The following C1orf21 variants were observed in gnomAD, a reference collection of about 807,000 sequenced individuals.
The protein encoded by C1orf21 is uncharacterized protein C1orf21.
In C1orf21, 3 loss-of-function variants were observed where a neutral mutation model predicts 18.7. The ratio of observed to expected loss-of-function variants is 0.16; its 90% CI spans 0.07 to 0.42. The LOEUF is 0.42. Ranked by LOEUF, C1orf21 falls within the 10% of genes least tolerant of loss-of-function variation. C1orf21 has a pLI of 0.99. For missense variants in C1orf21, 104 were observed against 143.6 expected, an observed-to-expected ratio of 0.72 and a Z score of 1.41; for synonymous variants, 41 against 46.4, an observed-to-expected ratio of 0.88 and a Z score of 0.47.
At chr1:184,546,896 A>G (rs1252888086) in intron 3 of C1orf21, among the ~76,000 whole-genome samples, 2 of 152,170 alleles carry the variant, frequency 1.3e-5, no homozygotes, top group Non-Finnish European at 2.9e-5. Context: ...CGCCATCCCC[A>G]TACTTGACTC....
intron 3 of C1orf21, among the ~76,000 whole-genome samples, chr1:184,524,199 C>T (rs1411095034): frequency 6.6e-6 from 1 of 152,076 alleles, no homozygotes; most frequent in Non-Finnish European, 1.5e-5. Context: ...CAGGACCTGA[C>T]AAAGAGCAGG....
chr1:184,535,612 A>G (rs769744703), intron 3 of C1orf21, among the ~76,000 whole-genome samples: 6 of 152,322 alleles, frequency 3.9e-5, no homozygotes, highest in African/African-American at 9.6e-5. Context: ...CTTCATTTCT[A>G]TGAAAAAGTT....
In C1orf21 at chr1:184,620,442, A is replaced by G. The variant is rs1232621738; in HGVS notation, c.*886A>G. On this transcript the variant is annotated 3_prime_UTR_variant, in exon 6 of 6. Transcript: ENST00000235307. ...AGCCTATAGGGCTCCCTACCCTTCC[A>G]TTAAGAATCTACCAAGCATTAGCAA... 6.6e-6 allele frequency: 1 copy of G among 152,520 alleles called. No individual in the cohort carries two copies. Among genetic ancestry groups the G allele is most frequent in the South Asian group, 2.1e-4 (1 of 4,824 alleles). The allele number at this position is 152,520 out of a possible 1,614,324, so 9.4% of individuals were successfully genotyped here. A position where few individuals can be genotyped will look rare whatever the true frequency, so the allele number is the denominator to read the frequency against.
intron 2 of C1orf21, among the ~76,000 whole-genome samples, chr1:184,501,710 G>A (rs748969441): frequency 6.6e-6 from 1 of 152,192 alleles, no homozygotes; most frequent in African/African-American, 2.4e-5. Context: ...AGGATAGCAG[G>A]GGATAGTGCC....
chr1:184,477,432 G>A lies in C1orf21; in HGVS notation c.-78G>A. 1 of 1,237,140 alleles carries A rather than the reference G, an allele frequency of 8.1e-7. No homozygotes were observed. Among genetic ancestry groups the A allele is most frequent in the Admixed American group, 2.2e-5 (1 of 44,508 alleles). 76.6% of individuals were successfully genotyped at this position (1,237,140 alleles called of 1,614,324 possible). A position where few individuals can be genotyped will look rare whatever the true frequency, so the allele number is the denominator to read the frequency against. On this transcript the variant is annotated 5_prime_UTR_variant, in exon 2 of 6. Transcript: ENST00000235307. ...CAGCAGCAAGGTGGATTTTCTTTGT[G>A]TTTAAAGAAAAAAAATGTCCCTGTG...
chr1:184,402,663 G>GC (rs974057920), intron 1 of C1orf21, among the ~76,000 whole-genome samples: 5 of 150,056 alleles, frequency 3.3e-5, no homozygotes, highest in African/African-American at 4.9e-5. Flanking sequence ...TTTGAGATGT[G>GC]CCCCCCTTAT....
intron 1 of C1orf21, among the ~76,000 whole-genome samples, chr1:184,410,139 A>C (rs550126318): frequency 1.3e-5 from 2 of 152,232 alleles, no homozygotes; most frequent in African/African-American, 4.8e-5. Context: ...AAAAAGAACT[A>C]TATTAGATAA....
At chr1:184,605,791 C>T (rs1425868342) in intron 5 of C1orf21, among the ~76,000 whole-genome samples, 1 of 152,194 alleles carries the variant, frequency 6.6e-6, no homozygotes, top group Non-Finnish European at 1.5e-5. Flanking sequence ...AGAAAATACA[C>T]AGAGTCTCCA....
Position 184,598,388 on chromosome 1 carries a change from C to G in C1orf21, c.267-13C>G, listed in dbSNP as rs752995943. Reference sequence around the variant, plus strand: ...GCACTAAAATATGCACTTAACTACCCTTTGTTTTTCAGCATGCACATCTCT... The same window carrying G: ...GCACTAAAATATGCACTTAACTACCGTTTGTTTTTCAGCATGCACATCTCT... On this transcript the variant is annotated splice_polypyrimidine_tract_variant and intron_variant, in intron 4 of 5. Coordinates refer to ENST00000235307, the MANE Select transcript of C1orf21 (RefSeq NM_030806.4). The G allele has an allele frequency of 9.3e-6, 15 of 1,612,466 alleles. No homozygotes were observed. Among genetic ancestry groups the G allele is most frequent in the Admixed American group, 1.7e-5 (1 of 59,726 alleles).
At chr1:184,522,396 A>G (rs1160701223) in intron 3 of C1orf21, among the ~76,000 whole-genome samples, 2 of 152,088 alleles carry the variant, frequency 1.3e-5, no homozygotes, top group South Asian at 2.1e-4. Flanking sequence ...CCACATCCAG[A>G]TCTTGTTTCT....
At chr1:184,395,024 T>C (rs1017863851) in intron 1 of C1orf21, among the ~76,000 whole-genome samples, 4 of 152,122 alleles carry the variant, frequency 2.6e-5, no homozygotes, top group African/African-American at 9.7e-5. Context: ...TCCCCTCTAC[T>C]GTGTCTCTTG....
In C1orf21 at chr1:184,624,016, A is replaced by C. The variant is rs1659966413; in HGVS notation, c.*4460A>C. The C allele has an allele frequency of 6.5e-6, 1 of 152,688 alleles. No individual in the cohort carries two copies. The highest frequency in any genetic ancestry group is 2.4e-5 in the African/African-American group (1 of 41,474). 9.5% of individuals were successfully genotyped at this position (152,688 alleles called of 1,614,324 possible). A position where few individuals can be genotyped will look rare whatever the true frequency, so the allele number is the denominator to read the frequency against. ...TTTATAATTGTTTTGTGTCATCCTC[A>C]TGATAATCCTGTGAAGTAGATCTAT... is the stretch of plus-strand genomic sequence containing the variant. On this transcript the variant is annotated 3_prime_UTR_variant, in exon 6 of 6. Transcript: ENST00000235307.
At chr1:184,576,915 G>A (rs771947579) in intron 3 of C1orf21, among the ~76,000 whole-genome samples, 16 of 152,142 alleles carry the variant, frequency 1.1e-4, no homozygotes, top group East Asian at 7.7e-4. Context: ...ATCCCCTGCC[G>A]GCCTGCACTC....
At chr1:184,461,610 T>C (rs1657308198) in intron 1 of C1orf21, among the ~76,000 whole-genome samples, 1 of 152,186 alleles carries the variant, frequency 6.6e-6, no homozygotes, top group East Asian at 1.9e-4. Flanking sequence ...ATTGTATATC[T>C]GTTTTTTTGG....
At chr1:184,598,482 C>A (rs1405448130) in intron 5 of C1orf21, 21 bp downstream of exon 5, 4 of 1,599,598 alleles carry the variant, frequency 2.5e-6, no homozygotes, top group Non-Finnish European at 3.4e-6. Flanking sequence ...AAATAAATAA[C>A]CTACATGTTT....
At chr1:184,505,215 T>C (rs895246460) in intron 2 of C1orf21, among the ~76,000 whole-genome samples, 2 of 150,324 alleles carry the variant, frequency 1.3e-5, no homozygotes, top group African/African-American at 4.9e-5. Context: ...GCCATCTGGG[T>C]CTTTCAGAAG....
chr1:184,444,476 G>T (rs1403171491), intron 1 of C1orf21, among the ~76,000 whole-genome samples: 1 of 152,090 alleles, frequency 6.6e-6, no homozygotes, highest in Non-Finnish European at 1.5e-5. Context: ...TGTAAGAAGT[G>T]CGTTTCACCT....
chr1:184,397,651 A>T (rs902725773), intron 1 of C1orf21, among the ~76,000 whole-genome samples: 1 of 152,192 alleles, frequency 6.6e-6, no homozygotes, highest in African/African-American at 2.4e-5. Context: ...CTTATGCTGC[A>T]TGCAAAGTTT....
intron 5 of C1orf21, among the ~76,000 whole-genome samples, chr1:184,614,154 T>C (rs991854424): frequency 6.6e-6 from 1 of 152,188 alleles, no homozygotes; most frequent in Non-Finnish European, 1.5e-5. Context: ...CTAGACAGTT[T>C]TATTTTCTGT....
Sources: gnomAD v4.1 joint callset for allele counts (sites outside exome capture counted in the v4.1 genomes callset) on GRCh38, gnomAD v4.1.1 for gene constraint, MANE v1.5 for transcripts, NCBI Gene and HGNC (gene_info 2026-07-23, HGNC 2026-07-21) for gene names.